The following CCDC13 variants were observed in gnomAD, a reference collection of about 807,000 sequenced individuals.
The protein encoded by CCDC13 is coiled-coil domain-containing protein 13.
In CCDC13, 70 loss-of-function variants were observed where a neutral mutation model predicts 87.3. The ratio of observed to expected loss-of-function variants is 0.80; its 90% CI spans 0.66 to 0.98. The LOEUF is 0.98. Among genes scored for constraint, CCDC13 ranks in the 50% least tolerant of loss-of-function variants. The pLI is 0.00. For synonymous variants in CCDC13, 317 were observed against 360.3 expected, an observed-to-expected ratio of 0.88 and a Z score of 1.36; for missense variants, 842 against 892.0, an observed-to-expected ratio of 0.94 and a Z score of 0.71.
intron 3 of CCDC13, among the ~76,000 whole-genome samples, chr3:42,754,432 A>G (rs998683994): frequency 1.3e-5 from 2 of 152,122 alleles, no homozygotes; most frequent in African/African-American, 4.8e-5. Flanking sequence ...CTCCTTTAAT[A>G]GGTTGTGTGT....
chr3:42,754,859 C>T (rs1030596684), intron 3 of CCDC13, among the ~76,000 whole-genome samples: 16 of 152,108 alleles, frequency 1.1e-4, no homozygotes. Context: ...TTTCCCAACC[C>T]TGTCTCCAGG....
intron 5 of CCDC13, among the ~76,000 whole-genome samples, chr3:42,751,055 C>T (rs574966542): frequency 7.9e-4 from 121 of 152,286 alleles, no homozygotes; most frequent in Non-Finnish European, 1.6e-3. Flanking sequence ...GGCCCATCCC[C>T]GCCGGAACCT....
In CCDC13 at chr3:42,752,707, A is replaced by T; in HGVS notation, c.381T>A (p.Gly127=). ...TGGTGGCGACCACGTCTCCGGCTAC[A>T]CCGGCTGTCCCTAAAATGAAAGGAA... ...EDRFAFTGTA[G]VAGDVVATKI... The change falls in exon 4 of 16, where the codon GGT becomes GGA. Residue 127 remains glycine, a synonymous_variant. Coordinates refer to ENST00000310232, the MANE Select transcript of CCDC13 (RefSeq NM_144719.4). 6.2e-7 allele frequency: 1 copy of T among 1,614,116 alleles called. No homozygotes were observed. Among genetic ancestry groups the T allele is most frequent in the Non-Finnish European group, 8.5e-7 (1 of 1,180,022 alleles).
At chr3:42,758,888 C>G (rs370047332) in intron 1 of CCDC13, among the ~76,000 whole-genome samples, 1 of 152,162 alleles carries the variant, frequency 6.6e-6, no homozygotes, top group Non-Finnish European at 1.5e-5. Context: ...AGGGCACTTA[C>G]GGTCCCTGAG....
At chr3:42,754,634 C>T (rs527985631) in intron 3 of CCDC13, among the ~76,000 whole-genome samples, 4 of 152,120 alleles carry the variant, frequency 2.6e-5, no homozygotes, top group South Asian at 4.1e-4. Flanking sequence ...CTGAGGGTTC[C>T]GGACATAAAT....
At chr3:42,771,106 C>G (rs6765740) in intron 1 of CCDC13, 1 of 151,968 alleles carries the variant, frequency 6.6e-6, no homozygotes, top group East Asian at 1.9e-4. Context: ...ACACTCATAC[C>G]GGTGAATATT....
rs1345079631 is a variant in CCDC13, at chr3:42,713,238, C to A, written c.1797G>T (p.Glu599Asp). ...QEERHRTVVL[E>D]QHLEKIRLEP... ...CCAGGCGTATCTTCTCCAGATGTTGCTCCAGCACCACGGTGCGGTGTCGCT... is the reference window on the plus strand; with the variant it reads ...CCAGGCGTATCTTCTCCAGATGTTGATCCAGCACCACGGTGCGGTGTCGCT... The change falls in exon 14 of 16, where the codon GAG becomes GAT. Residue 599 changes from glutamate (E) to aspartate (D), a missense_variant. Transcript: ENST00000310232. 1 of 1,614,214 alleles carries A rather than the reference C, an allele frequency of 6.2e-7. No individual in the cohort carries two copies. The highest frequency in any genetic ancestry group is 1.7e-5 in the Admixed American group (1 of 60,024).
rs1220146903 is a variant in CCDC13, at chr3:42,706,676, G to C, written c.*2304C>G. The stretch of plus-strand genomic sequence containing the variant: ...CAAACAAGATTTCCTGTGCCTGCCT[G>C]TCTGCAGTTTTTCTTTCCCCTCTCT... On this transcript the variant is annotated 3_prime_UTR_variant, in exon 16 of 16. Transcript: ENST00000310232. 6.6e-6 allele frequency: 1 copy of C among 152,262 alleles called. No homozygotes were observed. The highest frequency in any genetic ancestry group is 1.5e-5 in the Non-Finnish European group (1 of 68,060). The allele number at this position is 152,262 out of a possible 1,614,324, so 9.4% of individuals were successfully genotyped here. A position where few individuals can be genotyped will look rare whatever the true frequency, so the allele number is the denominator to read the frequency against.
chr3:42,765,992 C>CTAGG (rs1253720350), intron 1 of CCDC13, among the ~76,000 whole-genome samples: 1 of 152,046 alleles, frequency 6.6e-6, no homozygotes, highest in Non-Finnish European at 1.5e-5. Flanking sequence ...AAGGGCCTAG[C>CTAGG]TAGGAGGGGG....
At chr3:42,712,747 C>T (rs986886052) in intron 14 of CCDC13, among the ~76,000 whole-genome samples, 1 of 152,210 alleles carries the variant, frequency 6.6e-6, no homozygotes, top group African/African-American at 2.4e-5. Context: ...CTGCTTATAT[C>T]AACTTGACCA....
At chr3:42,723,894 A>G (rs575573326) in intron 13 of CCDC13, among the ~76,000 whole-genome samples, 2 of 152,244 alleles carry the variant, frequency 1.3e-5, no homozygotes, top group South Asian at 2.1e-4. Context: ...TGAAAATGCA[A>G]TATACTAAGT....
At position 42,713,181 on chromosome 3, in the gene CCDC13, T is replaced by TG. The variant is rs764437012; in HGVS notation, c.1853dup (p.Ala619SerfsTer12). On this transcript the variant is annotated frameshift_variant, in exon 14 of 16. Transcript: ENST00000310232. LOFTEE classifies it high-confidence loss of function. ...CCCTACCTGTTTTGGTCCTGGGAGCTGCTCTCTGGGAGGCTGATGCCTTCC... is the reference window on the plus strand; with the variant it reads ...CCCTACCTGTTTTGGTCCTGGGAGCTGGCTCTCTGGGAGGCTGATGCCTTCC... 1 of 1,614,126 alleles carries TG rather than the reference T, an allele frequency of 6.2e-7. No individual in the cohort carries two copies. Among genetic ancestry groups the TG allele is most frequent in the Non-Finnish European group, 8.5e-7 (1 of 1,179,982 alleles).
intron 7 of CCDC13, 34 bp downstream of exon 7, chr3:42,745,889 G>T (rs1335293491): frequency 6.5e-6 from 10 of 1,548,916 alleles, no homozygotes; most frequent in Non-Finnish European, 8.9e-6. Flanking sequence ...TAAATCCTTT[G>T]TTCAGGCCAG....
intron 12 of CCDC13, among the ~76,000 whole-genome samples, chr3:42,731,560 C>G (rs1698831452): frequency 6.6e-6 from 1 of 152,182 alleles, no homozygotes; most frequent in African/African-American, 2.4e-5. Flanking sequence ...CCTGCTGAAT[C>G]AGAACCCACA....
At chr3:42,749,973 A>G (rs1353215730) in intron 5 of CCDC13, 4 of 456,126 alleles carry the variant, frequency 8.8e-6, no homozygotes, top group Non-Finnish European at 1.8e-5. Context: ...GAGGGGAAAC[A>G]TTGCTTTTGC....
At chr3:42,726,675 A>G (rs1056484255) in intron 13 of CCDC13, among the ~76,000 whole-genome samples, 9 of 152,064 alleles carry the variant, frequency 5.9e-5, no homozygotes, top group Non-Finnish European at 1.0e-4. Context: ...TTACATATGT[A>G]TACTTTACAT....
chr3:42,762,274 A>G (rs187253105), intron 1 of CCDC13, among the ~76,000 whole-genome samples: 5 of 152,342 alleles, frequency 3.3e-5, no homozygotes, highest in African/African-American at 1.2e-4. Context: ...AACTATAAAG[A>G]ATTAACTCTG....
intron 1 of CCDC13, among the ~76,000 whole-genome samples, chr3:42,766,390 G>A (rs1392738233): frequency 6.6e-6 from 1 of 151,930 alleles, no homozygotes; most frequent in Non-Finnish European, 1.5e-5. Context: ...AGGAAGAAGA[G>A]ACAGCTGGAA....
chr3:42,735,916 G>A lies in CCDC13; in HGVS notation c.1165-3C>T. The A allele has an allele frequency of 1.2e-6, 2 of 1,611,678 alleles. No homozygotes were observed. Among genetic ancestry groups the A allele is most frequent in the Non-Finnish European group, 1.7e-6 (2 of 1,179,070 alleles). On this transcript the variant is annotated splice_polypyrimidine_tract_variant and splice_region_variant and intron_variant, in intron 9 of 15. Transcript: ENST00000310232. ...TCCTGTAGCTGCTTCAGCTGGTCCT[G>A]GGGGGCCAGGCAGGAGGGCAGGTGG... is the stretch of plus-strand genomic sequence containing the variant.
Sources: gnomAD v4.1 joint callset for allele counts (sites outside exome capture counted in the v4.1 genomes callset) on GRCh38, gnomAD v4.1.1 for gene constraint, MANE v1.5 for transcripts, NCBI Gene and HGNC (gene_info 2026-07-23, HGNC 2026-07-21) for gene names.